Variants in FEZ2 observed in about 807,000 individuals in gnomAD.
FEZ2 encodes the protein fasciculation and elongation protein zeta-2.
A neutral mutation model predicts 40.4 loss-of-function variants in FEZ2; 51 were observed. The ratio of observed to expected loss-of-function variants is 1.26; its 90% CI spans 1.01 to 1.59. The LOEUF (loss-of-function observed/expected upper bound fraction) is 1.59. Ranked by LOEUF, FEZ2 falls within the 40% of genes most tolerant of loss-of-function variation. The pLI, the probability that FEZ2 is intolerant of heterozygous loss-of-function variation, is 0.00. For missense variants in FEZ2, 640 were observed against 438.3 expected (o/e 1.46, Z -4.11); for synonymous variants, 242 against 172.0 (o/e 1.41, Z -3.18).
At position 36,578,759 on chromosome 2, in the gene FEZ2, ATCTCGT is replaced by A; in HGVS notation, c.735_740del (p.Leu245_Asp247delinsPhe). ...TCACTTCCTTTTCAAACTCCAGTTC[ATCTCGT>A]AAAGCCAACTGCTGCACCAGCTCCT... On this transcript the variant is annotated inframe_deletion, in exon 5 of 8. Transcript: ENST00000405912. 6.2e-7 allele frequency: 1 copy of A among 1,613,910 alleles called. No individual in the cohort carries two copies. The highest frequency in any genetic ancestry group is 8.5e-7 in the Non-Finnish European group (1 of 1,179,878).
rs571864919 is a variant in FEZ2 at position 36,571,528 on chromosome 2, C to T, written c.903+7069G>A. Among the ~76,000 whole-genome samples, 51 of 151,474 alleles carry T rather than the reference C, an allele frequency of 3.4e-4. 1 individual carries two copies. The East Asian group carries it at 6.6e-3, about 20-fold the overall frequency. ...AAAATTAGCCGAGTGTGCTGGCGGG[C>T]GCCGTCATCCCAGCTACTCAGGAGG... On this transcript the variant is annotated intron_variant, in intron 5 of 7. Coordinates refer to ENST00000405912, the MANE Select transcript of FEZ2 (RefSeq NM_005102.3).
rs1378468349 is a variant in FEZ2, at chr2:36,597,972, C to A, written c.171G>T (p.Lys57Asn). 6.7e-7 allele frequency: 1 copy of A among 1,485,776 alleles called. No homozygotes were observed. The highest frequency in any genetic ancestry group is 8.9e-7 in the Non-Finnish European group (1 of 1,124,158). 92.0% of individuals were successfully genotyped at this position (1,485,776 alleles called of 1,614,324 possible). A position where few individuals can be genotyped will look rare whatever the true frequency, so the allele number is the denominator to read the frequency against. Residue 57 changes from lysine to asparagine, a missense_variant, in exon 1 of 8, where the codon AAG becomes AAT. By Grantham distance (94) the Lys-to-Asn change is moderately conservative. Coordinates refer to ENST00000405912, the MANE Select transcript of FEZ2 (RefSeq NM_005102.3). ...FPAPACSLEE[K>N]LSLCFRPSDP... is the part of the protein sequence containing the mutation. The stretch of plus-strand genomic sequence containing the variant: ...CCGAGGGGCGGAAGCACAGGCTCAG[C>A]TTCTCCTCCAAGCTGCAGGCCGGGG...
intron 5 of FEZ2, among the ~76,000 whole-genome samples, chr2:36,566,294 C>G (rs559653872): frequency 1.1e-4 from 16 of 150,756 alleles, no homozygotes; most frequent in South Asian, 6.3e-4. Flanking sequence ...GAGCCGAGAT[C>G]GCGCCACTGC....
In FEZ2 at chr2:36,552,957, A is replaced by G; in HGVS notation, c.*206T>C. ...CAGTTTATTAGTAGATTTAACAAAA[A>G]CCATCTCTAGAATTCAAAATAGTGC... On this transcript the variant is annotated 3_prime_UTR_variant, in exon 8 of 8. Coordinates refer to ENST00000405912, the MANE Select transcript of FEZ2 (RefSeq NM_005102.3). 5.5e-6 allele frequency: 3 copies of G among 541,756 alleles called. No homozygotes were observed. Among genetic ancestry groups the G allele is most frequent in the Non-Finnish European group, 1.0e-5 (3 of 299,164 alleles). 33.6% of individuals were successfully genotyped at this position (541,756 alleles called of 1,614,324 possible). A position where few individuals can be genotyped will look rare whatever the true frequency, so the allele number is the denominator to read the frequency against.
At chr2:36,556,228 A>G (rs1667957700) in intron 6 of FEZ2, 2 of 241,020 alleles carry the variant, frequency 8.3e-6, no homozygotes, top group Middle Eastern at 9.1e-4. Flanking sequence ...AAACTTTCAA[A>G]GAAAAGACCC....
intron 2 of FEZ2, among the ~76,000 whole-genome samples, chr2:36,587,658 C>CAA (rs35567772): frequency 2.0e-5 from 3 of 151,788 alleles, no homozygotes; most frequent in Non-Finnish European, 2.9e-5. Flanking sequence ...CTTCTTTTGT[C>CAA]AAAAAAAATT....
At chr2:36,577,670 T>C (rs1239810984) in intron 5 of FEZ2, among the ~76,000 whole-genome samples, 1 of 152,260 alleles carries the variant, frequency 6.6e-6, no homozygotes, top group Non-Finnish European at 1.5e-5. Context: ...TTGTGTTAAC[T>C]GCTCATTGGT....
intron 2 of FEZ2, among the ~76,000 whole-genome samples, chr2:36,584,922 T>C (rs1244422458): frequency 6.6e-6 from 1 of 152,160 alleles, no homozygotes; most frequent in African/African-American, 2.4e-5. Context: ...CCATCAACAC[T>C]GCACGGTCCA....
intron 5 of FEZ2, among the ~76,000 whole-genome samples, chr2:36,577,623 T>A (rs538904887): frequency 6.6e-6 from 1 of 152,350 alleles, no homozygotes; most frequent in African/African-American, 2.4e-5. Context: ...ATAGGCTAAT[T>A]ACAGCATAAT....
Position 36,597,914 on chromosome 2 carries a change from G to A in FEZ2, c.229C>T (p.Arg77Trp), listed in dbSNP as rs1428625150. The A allele has an allele frequency of 1.4e-6, 2 of 1,418,228 alleles. No homozygotes were observed. The highest frequency in any genetic ancestry group is 3.0e-5 in the East Asian group (1 of 33,076). 87.9% of individuals were successfully genotyped at this position (1,418,228 alleles called of 1,614,324 possible). ...PGAEPPRTAV[R>W]PITERSLLQG... ...AGGAGGCTGCGCTCCGTGATGGGCC[G>A]CACGGCCGTCCTCGGGGGCTCGGCG... Residue 77 changes from arginine (R) to tryptophan (W), a missense_variant, in exon 1 of 8, where the codon CGG becomes TGG. Physicochemically the swap from Arg to Trp is moderately radical, Grantham distance 101 (BLOSUM62 -3). Coordinates refer to ENST00000405912, the MANE Select transcript of FEZ2 (RefSeq NM_005102.3).
intron 1 of FEZ2, among the ~76,000 whole-genome samples, chr2:36,595,917 C>T (rs1483039902): frequency 1.3e-5 from 2 of 152,146 alleles, no homozygotes; most frequent in African/African-American, 2.4e-5. Flanking sequence ...CTAAGTGAAA[C>T]AAAAACTCTT....
At chr2:36,586,561 A>G (rs1476044453) in intron 2 of FEZ2, among the ~76,000 whole-genome samples, 1 of 150,934 alleles carries the variant, frequency 6.6e-6, no homozygotes, top group East Asian at 2.0e-4. Flanking sequence ...CAGGAGGTGG[A>G]GGTTGCAGTG....
At chr2:36,557,780 G>C (rs145681352) in intron 6 of FEZ2, 100 of 152,176 alleles carry the variant, frequency 6.6e-4, no homozygotes, top group Middle Eastern at 6.8e-3. Context: ...GATAGAACCA[G>C]AATTCAAGGC....
At chr2:36,587,246 A>C (rs1170132920) in intron 2 of FEZ2, among the ~76,000 whole-genome samples, 1 of 152,208 alleles carries the variant, frequency 6.6e-6, no homozygotes. Flanking sequence ...ATCTTTCCAG[A>C]GAGAGAGCCA....
At chr2:36,555,943 A>C in intron 6 of FEZ2, 195 bp from the exon 7 acceptor site, 3 of 679,068 alleles carry the variant, frequency 4.4e-6, no homozygotes, top group South Asian at 1.6e-5. Context: ...GTAAGTCCAC[A>C]AGAATTTATT....
At chr2:36,553,566 C>T (rs1291357437) in intron 7 of FEZ2, among the ~76,000 whole-genome samples, 2 of 152,148 alleles carry the variant, frequency 1.3e-5, no homozygotes, top group East Asian at 3.9e-4. Flanking sequence ...GCCACGCGTA[C>T]ATTACTTCAG....
chr2:36,556,880 G>A (rs929384047), intron 6 of FEZ2: 25 of 152,146 alleles, frequency 1.6e-4, no homozygotes, highest in African/African-American at 5.6e-4. Flanking sequence ...TAAACACTGT[G>A]ACTGTCTCCA....
intron 2 of FEZ2, chr2:36,589,768 T>A (rs1386331944): frequency 6.6e-6 from 1 of 152,206 alleles, no homozygotes; most frequent in Non-Finnish European, 1.5e-5. Flanking sequence ...TAGAAAATAA[T>A]AACAGTAGGC....
rs549120718 is a variant in FEZ2, at chr2:36,582,564, C to G, written c.492+789G>C. Reference sequence around the variant, plus strand: ...CTCTACCTCAAAACAACCTTCCAACCTACTATTACCTTGCTTTTTTAAGCA... The same window carrying G: ...CTCTACCTCAAAACAACCTTCCAACGTACTATTACCTTGCTTTTTTAAGCA... On this transcript the variant is annotated intron_variant, in intron 3 of 7. Coordinates refer to ENST00000405912, the MANE Select transcript of FEZ2 (RefSeq NM_005102.3). Among the ~76,000 whole-genome samples the G allele has an allele frequency of 6.6e-5, 10 of 152,304 alleles. No individual in the cohort carries two copies. In the South Asian group the frequency reaches 2.1e-3, roughly 32 times the overall value.
Sources: allele counts gnomAD v4.1 joint callset (sites outside exome capture counted in the v4.1 genomes callset), GRCh38; gene constraint gnomAD v4.1.1; transcripts MANE v1.5; gene names NCBI Gene and HGNC (gene_info 2026-07-23, HGNC 2026-07-21).